Variants in GRIK1 observed in about 807,000 individuals in gnomAD.
GRIK1 encodes glutamate receptor ionotropic, kainate 1.
Under a neutral mutation model 105.7 loss-of-function variants are expected in GRIK1, and 69 were observed. The observed-to-expected ratio is 0.65, with a 90% CI of 0.54 to 0.80. The LOEUF is 0.80. Ranked by LOEUF, GRIK1 falls within the 30% of genes least tolerant of loss-of-function variation. The pLI is 0.00. For synonymous variants in GRIK1, 438 were observed against 431.3 expected, an observed-to-expected ratio of 1.02 and a Z score of -0.19; for missense variants, 1,109 against 1,167.3, an observed-to-expected ratio of 0.95 and a Z score of 0.73.
chr21:29,785,651 G>A (rs1017997448), intron 1 of GRIK1, among the ~76,000 whole-genome samples: 2 of 151,256 alleles, frequency 1.3e-5, no homozygotes, highest in African/African-American at 2.4e-5. Context: ...ATGGCAAAGC[G>A]CAGAAAGTGC....
At chr21:29,801,650 G>C (rs1271856577) in intron 1 of GRIK1, among the ~76,000 whole-genome samples, 2 of 152,130 alleles carry the variant, frequency 1.3e-5, no homozygotes, top group Non-Finnish European at 2.9e-5. Flanking sequence ...CTGCAACTCT[G>C]TGGACATATT....
chr21:29,806,906 T>G (rs2066877413), intron 1 of GRIK1, among the ~76,000 whole-genome samples: 2 of 152,214 alleles, frequency 1.3e-5, no homozygotes, highest in Non-Finnish European at 1.5e-5. Flanking sequence ...AAAAAATATC[T>G]GCTATTATTG....
intron 3 of GRIK1, among the ~76,000 whole-genome samples, chr21:29,687,631 A>G (rs896014594): frequency 2.0e-5 from 3 of 152,228 alleles, no homozygotes; most frequent in African/African-American, 4.8e-5. Flanking sequence ...TGAACTTGAC[A>G]AAGATGAAAA....
rs752988115 is a variant in GRIK1 at position 29,555,314 on chromosome 21, A to G, written c.2357-12T>C. On this transcript the variant is annotated splice_polypyrimidine_tract_variant and intron_variant, in intron 15 of 17. Transcript: ENST00000327783. ...CCGGTAAGGAGAACCTGGAAGTAAAACCATCTGGATATTGGTCACCAAAAT... is the reference window on the plus strand; with the variant it reads ...CCGGTAAGGAGAACCTGGAAGTAAAGCCATCTGGATATTGGTCACCAAAAT... The G allele has an allele frequency of 6.2e-7, 1 of 1,610,160 alleles. No homozygotes were observed. Among genetic ancestry groups the G allele is most frequent in the Non-Finnish European group, 8.5e-7 (1 of 1,178,120 alleles).
At chr21:29,791,396 G>T in intron 1 of GRIK1, among the ~76,000 whole-genome samples, 1 of 152,174 alleles carries the variant, frequency 6.6e-6, no homozygotes, top group South Asian at 2.1e-4. Flanking sequence ...GAGTGGAGTC[G>T]TTCCTGTGGT....
At chr21:29,855,383 T>C (rs906188723) in intron 1 of GRIK1, among the ~76,000 whole-genome samples, 1 of 152,214 alleles carries the variant, frequency 6.6e-6, no homozygotes, top group Non-Finnish European at 1.5e-5. Flanking sequence ...ATACCATCTT[T>C]AAAGAGTGAT....
At chr21:29,576,891 T>A in intron 14 of GRIK1, 73 bp downstream of exon 14, 2 of 843,168 alleles carry the variant, frequency 2.4e-6, no homozygotes, top group Non-Finnish European at 3.7e-6. Context: ...TTTTCTTTTT[T>A]TTTTCGACAG....
intron 7 of GRIK1, among the ~76,000 whole-genome samples, chr21:29,614,128 C>T (rs363444): frequency 0.066 from 9,979 of 152,132 alleles, 643 homozygotes; most frequent in East Asian, 0.16. Flanking sequence ...GAGCACTAGC[C>T]TGGTGATAGA....
intron 7 of GRIK1, among the ~76,000 whole-genome samples, chr21:29,631,211 G>C (rs909451148): frequency 6.6e-6 from 1 of 152,156 alleles, no homozygotes; most frequent in Non-Finnish European, 1.5e-5. Context: ...GTCTCAAGCT[G>C]GGTTGTTGTT....
intron 7 of GRIK1, among the ~76,000 whole-genome samples, chr21:29,614,859 T>A (rs1049001130): frequency 6.6e-6 from 1 of 151,526 alleles, no homozygotes; most frequent in African/African-American, 2.4e-5. Context: ...CACATAATAA[T>A]TCACGAATTT....
intron 1 of GRIK1, among the ~76,000 whole-genome samples, chr21:29,792,926 C>T (rs527908591): frequency 2.8e-4 from 43 of 152,216 alleles, no homozygotes; most frequent in African/African-American, 8.9e-4. Flanking sequence ...CCTCAGAATA[C>T]GGGAAGAATA....
intron 1 of GRIK1, among the ~76,000 whole-genome samples, chr21:29,817,193 G>A (rs904344816): frequency 6.6e-6 from 1 of 151,878 alleles, no homozygotes; most frequent in African/African-American, 2.4e-5. Context: ...GGTCAGATTT[G>A]GTACAATTTG....
At chr21:29,663,732 T>C (rs553317967) in intron 4 of GRIK1, among the ~76,000 whole-genome samples, 1 of 152,188 alleles carries the variant, frequency 6.6e-6, no homozygotes, top group East Asian at 1.9e-4. Context: ...GAGCTCTGCA[T>C]GGCCTGCTAA....
chr21:29,886,598 T>C (rs2069638136), intron 1 of GRIK1, among the ~76,000 whole-genome samples: 1 of 152,164 alleles, frequency 6.6e-6, no homozygotes, highest in African/African-American at 2.4e-5. Flanking sequence ...AAAAAAAGTA[T>C]CTTGTTGTGT....
intron 16 of GRIK1, among the ~76,000 whole-genome samples, chr21:29,547,573 A>G (rs1329533664): frequency 5.9e-5 from 9 of 152,254 alleles, no homozygotes. Context: ...AGCAGTGTGG[A>G]AACCTGAGTT....
At chr21:29,736,151 A>C (rs955120889) in intron 1 of GRIK1, among the ~76,000 whole-genome samples, 1 of 152,192 alleles carries the variant, frequency 6.6e-6, no homozygotes, top group African/African-American at 2.4e-5. Flanking sequence ...TGTAGTATTG[A>C]TCTCCTCAGA....
At chr21:29,630,194 A>G (rs1043778155) in intron 7 of GRIK1, among the ~76,000 whole-genome samples, 1 of 152,200 alleles carries the variant, frequency 6.6e-6, no homozygotes, top group East Asian at 1.9e-4. Flanking sequence ...TGGAGGGAAC[A>G]TAAAGCCAGG....
chr21:29,893,910 C>A (rs1194643296), intron 1 of GRIK1, among the ~76,000 whole-genome samples: 1 of 152,158 alleles, frequency 6.6e-6, no homozygotes, highest in Admixed American at 6.5e-5. Context: ...GAGTGGTCAG[C>A]AAACCCTTCA....
At chr21:29,720,836 A>G (rs2064301982) in intron 1 of GRIK1, among the ~76,000 whole-genome samples, 2 of 152,200 alleles carry the variant, frequency 1.3e-5, no homozygotes, top group Non-Finnish European at 1.5e-5. Flanking sequence ...ACAAGCAGAT[A>G]AAACTGAAAG....
Sources: allele counts gnomAD v4.1 joint callset (sites outside exome capture counted in the v4.1 genomes callset), GRCh38; gene constraint gnomAD v4.1.1; transcripts MANE v1.5; gene names NCBI Gene and HGNC (gene_info 2026-07-23, HGNC 2026-07-21).